Variants in RSBN1 observed in about 807,000 individuals in gnomAD.
The protein encoded by RSBN1 is lysine-specific demethylase 9.
A neutral mutation model predicts 74.8 loss-of-function variants in RSBN1; 23 were observed. The observed-to-expected ratio is 0.31, with a 90% CI of 0.22 to 0.44. RSBN1 has a LOEUF of 0.44. Among genes scored for constraint, RSBN1 ranks in the 20% least tolerant of loss-of-function variants. The probability of loss-of-function intolerance (pLI) is 1.00; values close to 1 mark genes in which losing one functional copy is unlikely to be tolerated. For synonymous variants in RSBN1, 407 were observed against 379.6 expected (o/e 1.07, Z -0.84); for missense variants, 808 against 1,020.9 (o/e 0.79, Z 2.84).
At chr1:113,784,970 ATAAAT>A (rs1274373601) in intron 2 of RSBN1, among the ~76,000 whole-genome samples, 1 of 152,180 alleles carries the variant, frequency 6.6e-6, no homozygotes, top group African/African-American at 2.4e-5. Context: ...TTCTTCAATA[ATAAAT>A]TAACTTTAGC....
intron 1 of RSBN1, among the ~76,000 whole-genome samples, chr1:113,800,149 T>C (rs980053397): frequency 3.4e-4 from 51 of 152,130 alleles, no homozygotes; most frequent in African/African-American, 1.2e-3. Context: ...AGAAAATACT[T>C]AAAAAAGCAA....
At chr1:113,802,777 C>A (rs1660611353) in intron 1 of RSBN1, among the ~76,000 whole-genome samples, 1 of 151,748 alleles carries the variant, frequency 6.6e-6, no homozygotes, top group South Asian at 2.1e-4. Flanking sequence ...CATAGTCTGT[C>A]TCCCTGATTA....
chr1:113,775,951 T>G (rs1660015373), intron 4 of RSBN1, among the ~76,000 whole-genome samples: 1 of 152,248 alleles, frequency 6.6e-6, no homozygotes, highest in Admixed American at 6.5e-5. Flanking sequence ...CCTATGAGCC[T>G]TAAGTTAAGG....
At chr1:113,808,650 C>T (rs746259234) in intron 1 of RSBN1, among the ~76,000 whole-genome samples, 2 of 152,232 alleles carry the variant, frequency 1.3e-5, no homozygotes, top group Admixed American at 6.5e-5. Context: ...GAACACTATT[C>T]GGCAATGAAA....
chr1:113,811,581 C>G (rs888755736), intron 1 of RSBN1, 129 bp downstream of exon 1: 21 of 1,377,670 alleles, frequency 1.5e-5, no homozygotes, highest in East Asian at 1.1e-4. Context: ...CAGGGTCCAC[C>G]CCAGTGAGCT....
At chr1:113,811,050 C>T (rs1261069287) in intron 1 of RSBN1, among the ~76,000 whole-genome samples, 2 of 152,228 alleles carry the variant, frequency 1.3e-5, no homozygotes, top group South Asian at 2.1e-4. Flanking sequence ...CTACTATCTA[C>T]TGCACAAATT....
In RSBN1 at chr1:113,797,400, T is replaced by C; in HGVS notation, c.1340A>G (p.Asp447Gly). The C allele has an allele frequency of 1.2e-6, 2 of 1,610,294 alleles. No homozygotes were observed. Among genetic ancestry groups the C allele is most frequent in the African/African-American group, 1.3e-5 (1 of 74,694 alleles). The change falls in exon 2 of 7, where the codon GAT (aspartate) becomes GGT (glycine). Residue 447 changes from aspartate to glycine, a missense_variant. By Grantham distance (94) the Asp-to-Gly change is moderately conservative. Coordinates refer to ENST00000261441, the MANE Select transcript of RSBN1 (RefSeq NM_018364.5). The stretch of plus-strand genomic sequence containing the variant: ...ATTTGAAATGGTGGTTGTTTCAATA[T>C]CTTTCTTGCCCAGAATTTCCATTTT... Reference protein sequence around the residue: ...PVKMEILGKKDIETTTISNFH... With the variant: ...PVKMEILGKKGIETTTISNFH...
At position 113,801,928 on chromosome 1, in the gene RSBN1, T is replaced by C. The variant is rs190404929; in HGVS notation, c.704-3892A>G. Among the ~76,000 whole-genome samples, 407 of 152,082 alleles carry C rather than the reference T, an allele frequency of 2.7e-3. 3 individuals are homozygous for C. Among genetic ancestry groups the C allele is most frequent in the Non-Finnish European group, 3.7e-3 (249 of 67,968 alleles). On this transcript the variant is annotated intron_variant, in intron 1 of 6. Transcript: ENST00000261441. ...ATTTCACACAATTGAAAGTTTTCAT[T>C]AATGCAAAAAAACAGCTTTCTATAT... is the stretch of plus-strand genomic sequence containing the variant.
At chr1:113,795,725 C>T (rs1660457801) in intron 2 of RSBN1, among the ~76,000 whole-genome samples, 1 of 152,138 alleles carries the variant, frequency 6.6e-6, no homozygotes, top group Admixed American at 6.5e-5. Context: ...TAAATTTCAG[C>T]TCCATTTTAA....
At chr1:113,774,153 G>A (rs1659940207) in intron 4 of RSBN1, among the ~76,000 whole-genome samples, 2 of 152,138 alleles carry the variant, frequency 1.3e-5, no homozygotes, top group Admixed American at 1.3e-4. Context: ...CTGATTTGCT[G>A]ATTTCTATGG....
intron 2 of RSBN1, among the ~76,000 whole-genome samples, chr1:113,779,875 G>A (rs1291810840): frequency 1.3e-5 from 2 of 151,992 alleles, no homozygotes; most frequent in Non-Finnish European, 2.9e-5. Flanking sequence ...ACAAAAATTA[G>A]CCAGGCACGG....
rs1444080819 is a variant in RSBN1 at position 113,762,537 on chromosome 1, C to G, written c.*3443G>C. On this transcript the variant is annotated 3_prime_UTR_variant, in exon 7 of 7. Coordinates refer to ENST00000261441, the MANE Select transcript of RSBN1 (RefSeq NM_018364.5). ...TAGTGAAAGGTTCTTTTTTAAAAACCTGTAGCAATGATAAAACAGATTAGA... is the reference window on the plus strand; with the variant it reads ...TAGTGAAAGGTTCTTTTTTAAAAACGTGTAGCAATGATAAAACAGATTAGA... 1.3e-5 allele frequency: 2 copies of G among 152,728 alleles called. No individual in the cohort carries two copies. The highest frequency in any genetic ancestry group is 3.8e-4 in the East Asian group (2 of 5,322). 9.5% of individuals were successfully genotyped at this position (152,728 alleles called of 1,614,324 possible).
At chr1:113,792,520 T>C (rs188145420) in intron 2 of RSBN1, among the ~76,000 whole-genome samples, 2 of 152,122 alleles carry the variant, frequency 1.3e-5, no homozygotes, top group African/African-American at 4.8e-5. Context: ...CTAGACGACA[T>C]AGTGAGACTC....
chr1:113,780,271 A>G (rs1165708856), intron 2 of RSBN1, among the ~76,000 whole-genome samples: 2 of 152,242 alleles, frequency 1.3e-5, no homozygotes, highest in African/African-American at 2.4e-5. Flanking sequence ...GCAGTTTTCA[A>G]TTTACTTGGC....
At chr1:113,774,371 AT>A (rs1174357721) in intron 4 of RSBN1, among the ~76,000 whole-genome samples, 3 of 151,922 alleles carry the variant, frequency 2.0e-5, no homozygotes, top group Non-Finnish European at 2.9e-5. Context: ...CTCTTTTTTA[AT>A]TAAAATTAAA....
At chr1:113,790,882 A>T (rs1230880095) in intron 2 of RSBN1, among the ~76,000 whole-genome samples, 1 of 152,206 alleles carries the variant, frequency 6.6e-6, no homozygotes, top group Non-Finnish European at 1.5e-5. Flanking sequence ...TCATGAACCA[A>T]AATTTCCAGA....
At chr1:113,794,033 CTCA>C (rs1234036520) in intron 2 of RSBN1, among the ~76,000 whole-genome samples, 2 of 152,126 alleles carry the variant, frequency 1.3e-5, no homozygotes, top group Non-Finnish European at 2.9e-5. Flanking sequence ...TCAAACTGAG[CTCA>C]TCAACACCCT....
At chr1:113,791,589 A>G (rs988564709) in intron 2 of RSBN1, among the ~76,000 whole-genome samples, 2 of 152,194 alleles carry the variant, frequency 1.3e-5, no homozygotes, top group Admixed American at 6.5e-5. Context: ...TAAAACACAG[A>G]AAGGAAAAAA....
intron 2 of RSBN1, among the ~76,000 whole-genome samples, chr1:113,781,213 C>A (rs748544772): frequency 5.9e-5 from 9 of 152,150 alleles, no homozygotes. Context: ...TCAAAAGCAC[C>A]AAGATATATA....
Sources: gnomAD v4.1 joint callset for allele counts (sites outside exome capture counted in the v4.1 genomes callset) on GRCh38, gnomAD v4.1.1 for gene constraint, MANE v1.5 for transcripts, NCBI Gene and HGNC (gene_info 2026-07-23, HGNC 2026-07-21) for gene names.